The following PAX2 variants were observed in gnomAD, a reference collection of about 807,000 sequenced individuals.
PAX2 encodes paired box protein Pax-2.
Under a neutral mutation model 41.7 loss-of-function variants are expected in PAX2, and 9 were observed. The ratio of observed to expected loss-of-function variants is 0.22; its 90% CI spans 0.13 to 0.38. PAX2 has a LOEUF of 0.38. Ranked by LOEUF, PAX2 falls within the 10% of genes least tolerant of loss-of-function variation. PAX2 has a pLI of 1.00. For missense variants in PAX2, 418 were observed against 531.6 expected (o/e 0.79, Z 2.10); for synonymous variants, 221 against 212.7 (o/e 1.04, Z -0.34).
chr10:100,793,244 C>T (rs1847198786), intron 5 of PAX2, among the ~76,000 whole-genome samples: 1 of 152,248 alleles, frequency 6.6e-6, no homozygotes. Context: ...CCCTCCTTCC[C>T]CACCAGCCCC....
chr10:100,743,865 G>A (rs1349199723), upstream of PAX2, among the ~76,000 whole-genome samples: 1 of 152,242 alleles, frequency 6.6e-6, no homozygotes, highest in African/African-American at 2.4e-5. Flanking sequence ...CCACCCAAGG[G>A]AAGTGGGATA....
chr10:100,760,969 A>G (rs1845818511), intron 3 of PAX2, among the ~76,000 whole-genome samples: 1 of 152,102 alleles, frequency 6.6e-6, no homozygotes. Context: ...AGCCAGAGAG[A>G]AGGAGGTGTG....
chr10:100,805,032 A>T (rs1443304542), intron 5 of PAX2, among the ~76,000 whole-genome samples: 298 of 42,186 alleles, frequency 7.1e-3, no homozygotes, highest in Middle Eastern at 0.025. Context: ...ATACACACAC[A>T]CACACACACA....
chr10:100,746,387 GC>G (rs1247716188), intron 1 of PAX2, 84 bp downstream of exon 1: 1 of 953,700 alleles, frequency 1.0e-6, no homozygotes, highest in Non-Finnish European at 1.7e-6. Flanking sequence ...CCGGCCCCTC[GC>G]GCTCAGGTCC....
intron 3 of PAX2, among the ~76,000 whole-genome samples, chr10:100,768,664 A>AAT (rs1044867724): frequency 3.3e-5 from 5 of 152,284 alleles, no homozygotes; most frequent in Non-Finnish European, 5.9e-5. Context: ...TTAATAAATA[A>AAT]ATATATATAT....
At chr10:100,769,677 T>TAAAATA (rs1846147313) in intron 3 of PAX2, among the ~76,000 whole-genome samples, 1 of 135,504 alleles carries the variant, frequency 7.4e-6, no homozygotes, top group Non-Finnish European at 1.6e-5. Context: ...AATAAAAAAA[T>TAAAATA]AAAAAACAAA....
intron 1 of PAX2, 75 bp from the exon 2 acceptor site, chr10:100,749,671 C>A (rs1231535264): frequency 1.3e-6 from 2 of 1,554,210 alleles, no homozygotes; most frequent in Middle Eastern, 1.8e-4. Context: ...TCGCCCGTCC[C>A]GGGCCGCGGA....
At chr10:100,760,995 C>T (rs1187506172) in intron 3 of PAX2, among the ~76,000 whole-genome samples, 3 of 152,182 alleles carry the variant, frequency 2.0e-5, no homozygotes, top group Non-Finnish European at 2.9e-5. Flanking sequence ...GGTTGGGACT[C>T]GGGTTCCTAC....
chr10:100,828,759 G>T lies in PAX2; in HGVS notation c.*1140G>T, dbSNP rs1848675040. ...CATCCCCTCCCAGCCTCCTCCTCCGGCAGGAACTGAACAGAACCACAAAAA... is the reference window on the plus strand; with the variant it reads ...CATCCCCTCCCAGCCTCCTCCTCCGTCAGGAACTGAACAGAACCACAAAAA... On this transcript the variant is annotated 3_prime_UTR_variant, in exon 10 of 10. Coordinates refer to ENST00000355243, the MANE Select transcript of PAX2 (RefSeq NM_000278.5). This position sits in a 1 kb window ranked among gnomAD's most constrained non-coding sequence, Gnocchi z 6.5. The T allele has an allele frequency of 4.3e-6, 1 of 233,464 alleles. No individual in the cohort carries two copies. The allele number at this position is 233,464 out of a possible 1,614,324, so 14.5% of individuals were successfully genotyped here.
At chr10:100,784,720 C>T (rs1020157224) in intron 5 of PAX2, among the ~76,000 whole-genome samples, 3 of 152,192 alleles carry the variant, frequency 2.0e-5, no homozygotes, top group African/African-American at 7.2e-5. Context: ...CACTGGCACT[C>T]GGAATATGGA....
intron 3 of PAX2, among the ~76,000 whole-genome samples, chr10:100,771,249 C>T: frequency 6.6e-6 from 1 of 152,292 alleles, no homozygotes; most frequent in East Asian, 1.9e-4. Context: ...AACATCCTGC[C>T]ACAGCCAGAA....
At chr10:100,767,016 C>G (rs4390281) in intron 3 of PAX2, among the ~76,000 whole-genome samples, 2 of 152,328 alleles carry the variant, frequency 1.3e-5, no homozygotes, top group East Asian at 3.9e-4. Context: ...GTGCAGCCAC[C>G]TCAATACAAT....
At chr10:100,789,297 G>T (rs902505591) in intron 5 of PAX2, among the ~76,000 whole-genome samples, 2 of 152,126 alleles carry the variant, frequency 1.3e-5, no homozygotes, top group South Asian at 4.1e-4. Context: ...GTAGAGACAG[G>T]GTTTCACCAT....
chr10:100,816,825 G>A (rs1848201725), intron 7 of PAX2, among the ~76,000 whole-genome samples: 1 of 152,196 alleles, frequency 6.6e-6, no homozygotes, highest in South Asian at 2.1e-4. Context: ...TGGCGGCTGG[G>A]CTGGCAGGCA....
chr10:100,757,269 G>C (rs974810797), intron 3 of PAX2, among the ~76,000 whole-genome samples: 46 of 152,340 alleles, frequency 3.0e-4, no homozygotes, highest in African/African-American at 1.1e-3. Flanking sequence ...TCACAGGCAA[G>C]GCTGGACACC....
intron 3 of PAX2, among the ~76,000 whole-genome samples, chr10:100,763,205 T>C (rs975183578): frequency 6.6e-5 from 10 of 152,212 alleles, no homozygotes; most frequent in African/African-American, 1.9e-4. Context: ...CATGAGCACT[T>C]GCTGACAAAC....
In PAX2 at chr10:100,827,928, C is replaced by T. The variant is rs1649190964; in HGVS notation, c.*309C>T. 2.6e-6 allele frequency: 1 copy of T among 390,384 alleles called. No homozygotes were observed. The highest frequency in any genetic ancestry group is 4.6e-6 in the Non-Finnish European group (1 of 218,360). The allele number at this position is 390,384 out of a possible 1,614,324, so 24.2% of individuals were successfully genotyped here. On this transcript the variant is annotated 3_prime_UTR_variant, in exon 10 of 10. Coordinates refer to ENST00000355243, the MANE Select transcript of PAX2 (RefSeq NM_000278.5). The surrounding 1 kb of genome is among the most constrained non-coding windows in gnomAD (Gnocchi z 8.5). ...GGGGATTCGGCCCAGCTCGTCCCGG[C>T]CTCCACCAAGCCAGCCCCGAAGCCC...
intron 7 of PAX2, among the ~76,000 whole-genome samples, chr10:100,819,890 G>T (rs1333731889): frequency 1.3e-5 from 2 of 152,208 alleles, no homozygotes; most frequent in Admixed American, 1.3e-4. Flanking sequence ...TGGCCCATTT[G>T]GTAAGGAATG....
intron 3 of PAX2, among the ~76,000 whole-genome samples, chr10:100,766,992 CAG>C (rs1181380114): frequency 2.6e-5 from 4 of 152,228 alleles, no homozygotes; most frequent in African/African-American, 9.6e-5. Context: ...TCCTCCAACT[CAG>C]TGTTACACAA....
Sources: allele counts gnomAD v4.1 joint callset (sites outside exome capture counted in the v4.1 genomes callset), GRCh38; gene constraint gnomAD v4.1.1; non-coding constraint Gnocchi (gnomAD v3.1); transcripts MANE v1.5; gene names NCBI Gene and HGNC (gene_info 2026-07-23, HGNC 2026-07-21).